PRKCB: variants seen among roughly 807,000 people sequenced by gnomAD.
The protein encoded by PRKCB is protein kinase C beta type.
In PRKCB, 13 loss-of-function variants were observed where a neutral mutation model predicts 81.5. That is an observed-to-expected ratio of 0.16 (90% CI 0.10 to 0.25). The LOEUF is 0.25. PRKCB is among the 10% of genes least tolerant of loss of function. The probability of loss-of-function intolerance (pLI) is 1.00; values close to 1 mark genes in which losing one functional copy is unlikely to be tolerated. For missense variants in PRKCB, 509 were observed against 875.7 expected (o/e 0.58, Z 5.29); for synonymous variants, 335 against 321.4 (o/e 1.04, Z -0.45).
At chr16:24,074,485 C>A (rs560148788) in intron 5 of PRKCB, among the ~76,000 whole-genome samples, 1 of 152,240 alleles carries the variant, frequency 6.6e-6, no homozygotes, top group South Asian at 2.1e-4. Context: ...ATGTGCAGTC[C>A]TTAGAATAGT....
At chr16:23,946,683 T>G (rs1964207122) in intron 2 of PRKCB, among the ~76,000 whole-genome samples, 1 of 152,046 alleles carries the variant, frequency 6.6e-6, no homozygotes, top group South Asian at 2.1e-4. Context: ...GTATAGGCTT[T>G]TCAAACTTTA....
intron 7 of PRKCB, among the ~76,000 whole-genome samples, chr16:24,107,413 C>T (rs1011164088): frequency 6.6e-6 from 1 of 152,152 alleles, no homozygotes; most frequent in Non-Finnish European, 1.5e-5. Context: ...CATTTCATAT[C>T]TGGATAAAGG....
intron 5 of PRKCB, among the ~76,000 whole-genome samples, chr16:24,060,675 A>C (rs1055269245): frequency 2.0e-5 from 3 of 152,178 alleles, no homozygotes; most frequent in Non-Finnish European, 4.4e-5. Flanking sequence ...GGCAGCTCAC[A>C]GTCTATGATT....
intron 7 of PRKCB, among the ~76,000 whole-genome samples, chr16:24,112,502 C>A (rs537353105): frequency 6.6e-6 from 1 of 152,268 alleles, no homozygotes; most frequent in South Asian, 2.1e-4. Context: ...TGCACTATTG[C>A]ACTCCAGCCT....
chr16:24,025,976 C>A (rs1248315210), intron 3 of PRKCB, among the ~76,000 whole-genome samples: 1 of 152,132 alleles, frequency 6.6e-6, no homozygotes, highest in Non-Finnish European at 1.5e-5. Flanking sequence ...ACATGTGAGA[C>A]ACCCAGCGTA....
intron 3 of PRKCB, among the ~76,000 whole-genome samples, chr16:23,989,943 A>G (rs1385067415): frequency 6.6e-6 from 1 of 152,128 alleles, no homozygotes; most frequent in Non-Finnish European, 1.5e-5. Flanking sequence ...CCTTTCTGAT[A>G]AGAGAGAGAC....
chr16:24,167,128 G>T (rs2141962246), intron 10 of PRKCB, among the ~76,000 whole-genome samples: 1 of 147,478 alleles, frequency 6.8e-6, no homozygotes, highest in African/African-American at 2.5e-5. Flanking sequence ...GCTATTTTTA[G>T]GCTTGTTTTC....
chr16:23,985,699 AT>A (rs1261506795), intron 2 of PRKCB, among the ~76,000 whole-genome samples: 1 of 152,220 alleles, frequency 6.6e-6, no homozygotes, highest in Non-Finnish European at 1.5e-5. Flanking sequence ...TTCCATTGGT[AT>A]TTTTAAAATC....
chr16:24,018,402 C>A lies in PRKCB; in HGVS notation c.289-13734C>A, dbSNP rs76138209. On this transcript the variant is annotated intron_variant, in intron 3 of 16. Coordinates refer to ENST00000643927, the MANE Select transcript of PRKCB (RefSeq NM_002738.7). ...CCAGCAACTTTATGCAGTTTCCATG[C>A]AGTATCTCACTGAACTCTTACTAAC... Among the ~76,000 whole-genome samples, 1,153 of 152,262 alleles carry A rather than the reference C, an allele frequency of 7.6e-3. 16 individuals carry two copies. The highest frequency in any genetic ancestry group is 0.026 in the African/African-American group (1,068 of 41,558).
At chr16:23,888,139 G>A (rs552246459) in intron 2 of PRKCB, among the ~76,000 whole-genome samples, 2 of 152,278 alleles carry the variant, frequency 1.3e-5, no homozygotes, top group Admixed American at 1.3e-4. Flanking sequence ...ACCTAGAGGA[G>A]GACTTCAGGC....
At chr16:23,975,369 T>C (rs1032030880) in intron 2 of PRKCB, among the ~76,000 whole-genome samples, 4 of 152,006 alleles carry the variant, frequency 2.6e-5, no homozygotes, top group African/African-American at 9.7e-5. Context: ...CAACAAAGGG[T>C]GTGGCTTGTG....
chr16:24,151,247 C>A (rs960084135), intron 9 of PRKCB, among the ~76,000 whole-genome samples: 3 of 152,154 alleles, frequency 2.0e-5, no homozygotes, highest in Non-Finnish European at 4.4e-5. Context: ...AGATGCAGAG[C>A]CTGACTCAGA....
intron 5 of PRKCB, among the ~76,000 whole-genome samples, chr16:24,078,406 G>A (rs1055029228): frequency 4.6e-5 from 7 of 152,196 alleles, no homozygotes; most frequent in Non-Finnish European, 8.8e-5. Flanking sequence ...CTTAACTTGA[G>A]GCAGGAGGTG....
At chr16:24,167,530 A>T (rs1967366296) in intron 10 of PRKCB, among the ~76,000 whole-genome samples, 1 of 152,212 alleles carries the variant, frequency 6.6e-6, no homozygotes, top group South Asian at 2.1e-4. Flanking sequence ...ATTGTACTCC[A>T]GACTGGGCGA....
chr16:24,014,256 G>A (rs900211381), intron 3 of PRKCB, among the ~76,000 whole-genome samples: 14 of 152,128 alleles, frequency 9.2e-5, no homozygotes, highest in African/African-American at 3.1e-4. Context: ...GTTGGCTTAC[G>A]GCACTGCAGG....
intron 2 of PRKCB, among the ~76,000 whole-genome samples, chr16:23,933,451 T>A (rs1460262336): frequency 6.6e-6 from 1 of 152,224 alleles, no homozygotes; most frequent in Non-Finnish European, 1.5e-5. Flanking sequence ...AGAAGATTCT[T>A]AATTGATACA....
At chr16:24,072,119 C>T (rs994807896) in intron 5 of PRKCB, among the ~76,000 whole-genome samples, 8 of 151,020 alleles carry the variant, frequency 5.3e-5, no homozygotes, top group Non-Finnish European at 1.2e-4. Flanking sequence ...AACAGTTCAG[C>T]GGCATTTAGT....
chr16:24,130,486 G>A (rs560313242), intron 9 of PRKCB, among the ~76,000 whole-genome samples: 1 of 152,254 alleles, frequency 6.6e-6, no homozygotes, highest in Non-Finnish European at 1.5e-5. Context: ...AAATAGGCTT[G>A]GTTAATCTGT....
chr16:24,163,800 G>A (rs1219184523), intron 10 of PRKCB, among the ~76,000 whole-genome samples: 3 of 152,190 alleles, frequency 2.0e-5, no homozygotes, highest in Non-Finnish European at 4.4e-5. Context: ...CCCCTATGAA[G>A]AACAAGCTGT....
Sources: gnomAD v4.1 joint callset for allele counts (sites outside exome capture counted in the v4.1 genomes callset) on GRCh38, gnomAD v4.1.1 for gene constraint, MANE v1.5 for transcripts, NCBI Gene and HGNC (gene_info 2026-07-23, HGNC 2026-07-21) for gene names.